Variants in ZNF431 observed in about 807,000 individuals in gnomAD.
The protein encoded by ZNF431 is zinc finger protein 431.
ZNF431 carries 34 observed loss-of-function variants against 57.0 expected under a neutral mutation model. The observed-to-expected ratio is 0.60, with a 90% CI of 0.45 to 0.79. The LOEUF is 0.79. Ranked by LOEUF, ZNF431 falls within the 30% of genes least tolerant of loss-of-function variation. The pLI, the probability that ZNF431 is intolerant of heterozygous loss-of-function variation, is 0.00. For missense variants in ZNF431, 607 were observed against 667.1 expected (o/e 0.91, Z 0.99); for synonymous variants, 207 against 220.3 (o/e 0.94, Z 0.54).
chr19:21,157,864 T>G (rs915196096), intron 2 of ZNF431, among the ~76,000 whole-genome samples: 4 of 151,226 alleles, frequency 2.6e-5, no homozygotes, highest in African/African-American at 9.8e-5. Flanking sequence ...TTTTTTTTTT[T>G]GCTCTGTATT....
rs1568320013 is a variant in ZNF431 at position 21,187,596 on chromosome 19, GGT to G, written c.*3566_*3567del. The stretch of plus-strand genomic sequence containing the variant: ...CTACTAAAAAATACAAAATTAGCCC[GGT>G]GTGGTGGCGCATGCCTGTAATCCCA... On this transcript the variant is annotated 3_prime_UTR_variant, in exon 5 of 5. Coordinates refer to ENST00000311048, the MANE Select transcript of ZNF431 (RefSeq NM_133473.4). The G allele has an allele frequency of 6.6e-6, 1 of 152,044 alleles. No homozygotes were observed. The highest frequency in any genetic ancestry group is 1.5e-5 in the Non-Finnish European group (1 of 68,072). The allele number at this position is 152,044 out of a possible 1,614,324, so 9.4% of individuals were successfully genotyped here.
chr19:21,143,489 C>T, intron 1 of ZNF431, 62 bp from the exon 2 acceptor site: 1 of 1,312,170 alleles, frequency 7.6e-7, no homozygotes, highest in South Asian at 1.2e-5. Flanking sequence ...AAGATATCCA[C>T]CGTGGTTATG....
Position 21,192,148 on chromosome 19 carries a change from G to T in ZNF431, c.*8114G>T, listed in dbSNP as rs1003923595. On this transcript the variant is annotated 3_prime_UTR_variant, in exon 5 of 5. Transcript: ENST00000311048. Reference sequence around the variant, plus strand: ...CTTTTTGATGGTGCTTTTGTATTTTGAAAGTTTAATAAATTTTGTTTATTT... The same window carrying T: ...CTTTTTGATGGTGCTTTTGTATTTTTAAAGTTTAATAAATTTTGTTTATTT... The T allele has an allele frequency of 2.0e-5, 3 of 152,054 alleles. No individual in the cohort carries two copies. The highest frequency in any genetic ancestry group is 7.2e-5 in the African/African-American group (3 of 41,424). The allele number at this position is 152,054 out of a possible 1,614,324, so 9.4% of individuals were successfully genotyped here. A position where few individuals can be genotyped will look rare whatever the true frequency, so the allele number is the denominator to read the frequency against.
chr19:21,166,398 C>G lies in ZNF431; in HGVS notation c.160C>G (p.Pro54Ala), dbSNP rs760890604. 6.2e-7 allele frequency: 1 copy of G among 1,611,100 alleles called. No individual in the cohort carries two copies. ...FSLEEWECLNPAQQNLYMNVM... is the reference protein window; with the variant it reads ...FSLEEWECLNAAQQNLYMNVM... ...TCTGGAGGAGTGGGAATGCCTGAAC[C>G]CTGCTCAGCAGAATTTATATATGAA... The change falls in exon 3 of 5, where the codon CCT becomes GCT. Residue 54 changes from proline to alanine, a missense_variant. Transcript: ENST00000311048.
Position 21,190,058 on chromosome 19 carries a change from ACTCCAGAGG to A in ZNF431, c.*6027_*6035del, listed in dbSNP as rs999534961. 8 of 384,794 alleles carry A rather than the reference ACTCCAGAGG, an allele frequency of 2.1e-5. No individual in the cohort carries two copies. Among genetic ancestry groups the A allele is most frequent in the Non-Finnish European group, 3.7e-5 (8 of 217,856 alleles). 23.8% of individuals were successfully genotyped at this position (384,794 alleles called of 1,614,324 possible). ...GTGGTGCAGGCCTGTAATCTCAGCT[ACTCCAGAGG>A]CTGAGGCATGAGAATCCCTTGAACC... On this transcript the variant is annotated 3_prime_UTR_variant, in exon 5 of 5. Coordinates refer to ENST00000311048, the MANE Select transcript of ZNF431 (RefSeq NM_133473.4).
At chr19:21,157,962 G>T (rs6511205) in intron 2 of ZNF431, among the ~76,000 whole-genome samples, 2 of 151,666 alleles carry the variant, frequency 1.3e-5, no homozygotes, top group Non-Finnish European at 2.9e-5. Flanking sequence ...GTTTGAAGTG[G>T]GGTAATGTAA....
chr19:21,176,466 C>A (rs895714836), intron 4 of ZNF431, among the ~76,000 whole-genome samples: 1 of 151,830 alleles, frequency 6.6e-6, no homozygotes, highest in Non-Finnish European at 1.5e-5. Flanking sequence ...TGGTCTCAAA[C>A]TCCCAGTCTC....
At position 21,194,016 on chromosome 19, in the gene ZNF431, A is replaced by G. The variant is rs906857736; in HGVS notation, c.*9982A>G. The stretch of plus-strand genomic sequence containing the variant: ...AACATAGTTCTGGAAGTGCTGGATA[A>G]ATCTAACAAAATGAAAAAATAAATG... On this transcript the variant is annotated 3_prime_UTR_variant, in exon 5 of 5. Transcript: ENST00000311048. 1 of 152,160 alleles carries G rather than the reference A, an allele frequency of 6.6e-6. No homozygotes were observed. Among genetic ancestry groups the G allele is most frequent in the African/African-American group, 2.4e-5 (1 of 41,448 alleles). The allele number at this position is 152,160 out of a possible 1,614,324, so 9.4% of individuals were successfully genotyped here.
In ZNF431 at chr19:21,189,741, G is replaced by A. The variant is rs1971466211; in HGVS notation, c.*5707G>A. ...TACATCAATGGGATTAAGTTTTTTG[G>A]AATCCATGTGTAAGTGAAATTATGA... is the stretch of plus-strand genomic sequence containing the variant. On this transcript the variant is annotated 3_prime_UTR_variant, in exon 5 of 5. Coordinates refer to ENST00000311048, the MANE Select transcript of ZNF431 (RefSeq NM_133473.4). The A allele has an allele frequency of 2.5e-6, 1 of 392,504 alleles. No individual in the cohort carries two copies. The highest frequency in any genetic ancestry group is 4.5e-6 in the Non-Finnish European group (1 of 222,922). 24.3% of individuals were successfully genotyped at this position (392,504 alleles called of 1,614,324 possible). A position where few individuals can be genotyped will look rare whatever the true frequency, so the allele number is the denominator to read the frequency against.
At chr19:21,157,962 G>A (rs6511205) in intron 2 of ZNF431, among the ~76,000 whole-genome samples, 1 of 151,666 alleles carries the variant, frequency 6.6e-6, no homozygotes, top group Non-Finnish European at 1.5e-5. Flanking sequence ...GTTTGAAGTG[G>A]GGTAATGTAA....
intron 4 of ZNF431, among the ~76,000 whole-genome samples, chr19:21,181,739 C>T (rs937103430): frequency 9.3e-4 from 141 of 151,934 alleles, no homozygotes; most frequent in African/African-American, 3.1e-3. Context: ...TTATTTTACT[C>T]ATTGAGTATT....
At chr19:21,156,987 A>T (rs1243486423) in intron 2 of ZNF431, among the ~76,000 whole-genome samples, 1 of 152,114 alleles carries the variant, frequency 6.6e-6, no homozygotes, top group Non-Finnish European at 1.5e-5. Context: ...CATGTTGCCC[A>T]GGGTGGTCTT....
rs1369570070 is a variant in ZNF431 at position 21,142,140 on chromosome 19, G to A, written c.-44G>A. 1.2e-6 allele frequency: 2 copies of A among 1,611,616 alleles called. No homozygotes were observed. Among genetic ancestry groups the A allele is most frequent in the Admixed American group, 1.7e-5 (1 of 59,976 alleles). ...GTGGCCCTGTGACCTGCAGGTATTG[G>A]GAGACCCACAGCTAAGACACCGGGA... is the stretch of plus-strand genomic sequence containing the variant. On this transcript the variant is annotated 5_prime_UTR_variant, in exon 1 of 5. Transcript: ENST00000311048.
chr19:21,175,857 G>A (rs923005168), intron 4 of ZNF431, among the ~76,000 whole-genome samples: 4 of 152,124 alleles, frequency 2.6e-5, no homozygotes, highest in Non-Finnish European at 4.4e-5. Flanking sequence ...CCATGTCTTT[G>A]CTATTGTGAA....
chr19:21,167,507 C>T (rs1568306454), intron 3 of ZNF431, 64 bp from the exon 4 acceptor site: 1 of 1,189,026 alleles, frequency 8.4e-7, no homozygotes, highest in Non-Finnish European at 1.1e-6. Flanking sequence ...TTACTGAGCA[C>T]AGTACTAGGT....
At chr19:21,155,203 T>G (rs1255905375) in intron 2 of ZNF431, among the ~76,000 whole-genome samples, 1 of 152,194 alleles carries the variant, frequency 6.6e-6, no homozygotes, top group Non-Finnish European at 1.5e-5. Context: ...TTGTATAAGG[T>G]GTAAGGAAAG....
rs1053611515 is a variant in ZNF431, at chr19:21,185,942, A to G, written c.*1908A>G. 2 of 152,216 alleles carry G rather than the reference A, an allele frequency of 1.3e-5. No individual in the cohort carries two copies. Among genetic ancestry groups the G allele is most frequent in the Non-Finnish European group, 2.9e-5 (2 of 68,034 alleles). 9.4% of individuals were successfully genotyped at this position (152,216 alleles called of 1,614,324 possible). ...AGTGTTATTTTTATCGTCATAATAA[A>G]AATTATATACGAGTATAAATGAAAT... On this transcript the variant is annotated 3_prime_UTR_variant, in exon 5 of 5. Transcript: ENST00000311048.
intron 2 of ZNF431, among the ~76,000 whole-genome samples, chr19:21,144,261 T>C (rs1970023004): frequency 6.6e-6 from 1 of 152,032 alleles, no homozygotes; most frequent in South Asian, 2.1e-4. Context: ...GCAGAAGGAT[T>C]GATCTTGGCT....
rs1226797206 is a variant in ZNF431, at chr19:21,190,266, C to G, written c.*6232C>G. The G allele has an allele frequency of 6.0e-6, 1 of 167,130 alleles. No homozygotes were observed. The highest frequency in any genetic ancestry group is 1.3e-5 in the Non-Finnish European group (1 of 78,176). 10.4% of individuals were successfully genotyped at this position (167,130 alleles called of 1,614,324 possible). A position where few individuals can be genotyped will look rare whatever the true frequency, so the allele number is the denominator to read the frequency against. On this transcript the variant is annotated 3_prime_UTR_variant, in exon 5 of 5. Transcript: ENST00000311048. ...CTTTATTTACTCATTAGATGTTGAA[C>G]TGTTTATTCTGTATTTTGGCTATTG...
Sources: gnomAD v4.1 joint callset for allele counts (sites outside exome capture counted in the v4.1 genomes callset) on GRCh38, gnomAD v4.1.1 for gene constraint, MANE v1.5 for transcripts, NCBI Gene and HGNC (gene_info 2026-07-23, HGNC 2026-07-21) for gene names.